Variants in KCTD16 observed in about 807,000 individuals in gnomAD.
The protein encoded by KCTD16 is potassium channel tetramerization domain containing 16.
Under a neutral mutation model 33.2 loss-of-function variants are expected in KCTD16, and 13 were observed. The observed-to-expected ratio is 0.39, with a 90% CI of 0.25 to 0.62. The LOEUF is 0.62. Among genes scored for constraint, KCTD16 ranks in the 20% least tolerant of loss-of-function variants. The pLI, the probability that KCTD16 is intolerant of heterozygous loss-of-function variation, is 0.50. For missense variants in KCTD16, 441 were observed against 525.1 expected (o/e 0.84, Z 1.57); for synonymous variants, 197 against 195.3 (o/e 1.01, Z -0.07).
At chr5:144,449,574 A>G (rs1361432762) in intron 3 of KCTD16, among the ~76,000 whole-genome samples, 3 of 152,014 alleles carry the variant, frequency 2.0e-5, no homozygotes, top group Non-Finnish European at 2.9e-5. Flanking sequence ...AAAAAACTTT[A>G]TGGAAAACAA....
At chr5:144,471,943 A>C (rs1442660928) in intron 3 of KCTD16, among the ~76,000 whole-genome samples, 1 of 152,216 alleles carries the variant, frequency 6.6e-6, no homozygotes, top group East Asian at 1.9e-4. Context: ...CTCTTAAAAA[A>C]TTATATGGAG....
chr5:144,180,169 T>C lies in KCTD16; in HGVS notation c.-327+5697T>C, dbSNP rs1752587611. Reference sequence around the variant, plus strand: ...GGGTATAGTGATCTGCCAATGACTATCCTTGCTGTCAGTGATAATGATGCT... The same window carrying C: ...GGGTATAGTGATCTGCCAATGACTACCCTTGCTGTCAGTGATAATGATGCT... On this transcript the variant is annotated intron_variant, in intron 2 of 3. Coordinates refer to ENST00000512467, the MANE Select transcript of KCTD16 (RefSeq NM_020768.4). Among the ~76,000 whole-genome samples the C allele has an allele frequency of 1.3e-5, 2 of 152,220 alleles. 1 individual carries two copies. Among genetic ancestry groups the C allele is most frequent in the South Asian group, 4.1e-4 (2 of 4,828 alleles).
chr5:144,308,075 C>G (rs1054967249), intron 3 of KCTD16, among the ~76,000 whole-genome samples: 1 of 152,170 alleles, frequency 6.6e-6, no homozygotes, highest in Non-Finnish European at 1.5e-5. Flanking sequence ...TGCTGTGTAC[C>G]TATTAGTTTG....
intron 3 of KCTD16, among the ~76,000 whole-genome samples, chr5:144,344,457 T>C (rs1472415454): frequency 2.0e-5 from 3 of 150,274 alleles, no homozygotes; most frequent in Admixed American, 6.6e-5. Flanking sequence ...CCTACTCATC[T>C]GACAAAGGGC....
At chr5:144,339,171 A>G (rs1410040638) in intron 3 of KCTD16, among the ~76,000 whole-genome samples, 1 of 152,188 alleles carries the variant, frequency 6.6e-6, no homozygotes, top group East Asian at 1.9e-4. Context: ...TATTCTGTGC[A>G]TTACCTCATT....
At chr5:144,421,477 C>T (rs1227823913) in intron 3 of KCTD16, among the ~76,000 whole-genome samples, 1 of 152,032 alleles carries the variant, frequency 6.6e-6, no homozygotes. Flanking sequence ...TTTGTGCGTA[C>T]CTGGGACTTG....
At chr5:144,469,290 G>T (rs1754417659) in intron 3 of KCTD16, among the ~76,000 whole-genome samples, 1 of 152,144 alleles carries the variant, frequency 6.6e-6, no homozygotes, top group African/African-American at 2.4e-5. Context: ...CCCAGACACA[G>T]TATGCGCTTG....
intron 3 of KCTD16, among the ~76,000 whole-genome samples, chr5:144,298,147 C>T (rs1472622607): frequency 7.2e-5 from 11 of 152,146 alleles, no homozygotes; most frequent in Admixed American, 6.5e-4. Context: ...GGTTCTCTTC[C>T]GTGACCCATG....
intron 3 of KCTD16, among the ~76,000 whole-genome samples, chr5:144,348,478 T>C (rs768247913): frequency 6.6e-5 from 10 of 152,186 alleles, no homozygotes; most frequent in Non-Finnish European, 1.3e-4. Flanking sequence ...TCCAAAATAC[T>C]CTACCCATCA....
chr5:144,436,575 G>GA (rs1293746710), intron 3 of KCTD16, among the ~76,000 whole-genome samples: 1 of 151,254 alleles, frequency 6.6e-6, no homozygotes, highest in Non-Finnish European at 1.5e-5. Flanking sequence ...AAATATTGGG[G>GA]AAAGTGTTTA....
intron 3 of KCTD16, among the ~76,000 whole-genome samples, chr5:144,259,114 C>T (rs887721397): frequency 2.0e-5 from 3 of 151,686 alleles, no homozygotes; most frequent in African/African-American, 7.3e-5. Context: ...AAAAATTAGC[C>T]GGGGGTGGTG....
chr5:144,322,230 A>G (rs1752090743), intron 3 of KCTD16, among the ~76,000 whole-genome samples: 1 of 152,162 alleles, frequency 6.6e-6, no homozygotes, highest in Non-Finnish European at 1.5e-5. Context: ...AATGTCGTGG[A>G]CACCTGTTCT....
Position 144,474,220 on chromosome 5 carries a change from T to C in KCTD16, c.*106T>C. 2.3e-6 allele frequency: 2 copies of C among 858,740 alleles called. No individual in the cohort carries two copies. Among genetic ancestry groups the C allele is most frequent in the Non-Finnish European group, 3.6e-6 (2 of 562,442 alleles). 53.2% of individuals were successfully genotyped at this position (858,740 alleles called of 1,614,324 possible). A position where few individuals can be genotyped will look rare whatever the true frequency, so the allele number is the denominator to read the frequency against. On this transcript the variant is annotated 3_prime_UTR_variant, in exon 4 of 4. Transcript: ENST00000512467. ...AAAAATACAACTAATGATGCACATT[T>C]CTTAGAACACAATAGTCCATTGATA...
chr5:144,223,543 G>A (rs1000547002), intron 3 of KCTD16, among the ~76,000 whole-genome samples: 7 of 152,130 alleles, frequency 4.6e-5, no homozygotes, highest in East Asian at 1.9e-4. Context: ...TAATTGTACC[G>A]TTATGGTGTG....
At chr5:144,308,344 C>T (rs1414427004) in intron 3 of KCTD16, among the ~76,000 whole-genome samples, 2 of 152,194 alleles carry the variant, frequency 1.3e-5, no homozygotes, top group African/African-American at 2.4e-5. Context: ...GTCAGGTAAG[C>T]GCTCATTCTG....
intron 3 of KCTD16, among the ~76,000 whole-genome samples, chr5:144,237,837 T>TG (rs754643830): frequency 9.2e-5 from 14 of 152,034 alleles, no homozygotes; most frequent in Non-Finnish European, 1.3e-4. Flanking sequence ...AGTTCAGAGA[T>TG]GAGAAAACAA....
At chr5:144,325,696 C>T (rs764542679) in intron 3 of KCTD16, among the ~76,000 whole-genome samples, 1 of 152,124 alleles carries the variant, frequency 6.6e-6, no homozygotes, top group South Asian at 2.1e-4. Context: ...GGCAGTACAT[C>T]CTGAAGAGGC....
intron 3 of KCTD16, among the ~76,000 whole-genome samples, chr5:144,464,490 T>C (rs749724000): frequency 1.3e-5 from 2 of 152,208 alleles, no homozygotes; most frequent in Admixed American, 6.5e-5. Flanking sequence ...AGGCCACAGA[T>C]GTTGCCATAC....
At chr5:144,351,718 A>G (rs1751440405) in intron 3 of KCTD16, among the ~76,000 whole-genome samples, 1 of 152,222 alleles carries the variant, frequency 6.6e-6, no homozygotes, top group Non-Finnish European at 1.5e-5. Context: ...GAGTACTATT[A>G]GCCTTAATAA....
Sources: gnomAD v4.1 joint callset for allele counts (sites outside exome capture counted in the v4.1 genomes callset) on GRCh38, gnomAD v4.1.1 for gene constraint, MANE v1.5 for transcripts, NCBI Gene and HGNC (gene_info 2026-07-23, HGNC 2026-07-21) for gene names.